The following PDE12 variants were observed in gnomAD, a reference collection of about 807,000 sequenced individuals.
The protein encoded by PDE12 is 2',5'-phosphodiesterase 12.
In PDE12, 26 loss-of-function variants were observed where a neutral mutation model predicts 45.4. The observed-to-expected ratio is 0.57, with a 90% CI of 0.42 to 0.79. PDE12 has a LOEUF of 0.79. Among genes scored for constraint, PDE12 ranks in the 30% least tolerant of loss-of-function variants. PDE12 has a pLI of 0.00. For missense variants in PDE12, 668 were observed against 790.0 expected (o/e 0.85, Z 1.85); for synonymous variants, 283 against 323.9 (o/e 0.87, Z 1.36).
At chr3:57,655,223 C>T in the PDE12 span, among the ~76,000 whole-genome samples, 2 of 152,118 alleles carry the variant, frequency 1.3e-5, no homozygotes, top group East Asian at 1.9e-4. Context: ...TTAGTAGAGA[C>T]GGGGTTTCAC....
the PDE12 span, among the ~76,000 whole-genome samples, chr3:57,640,281 CAAA>C: frequency 8.4e-6 from 1 of 118,932 alleles, no homozygotes; most frequent in African/African-American, 3.4e-5. Flanking sequence ...AAAAAAAAAA[CAAA>C]AAAAAACAAA....
the PDE12 span, chr3:57,645,733 A>C: frequency 6.2e-7 from 1 of 1,613,368 alleles, no homozygotes; most frequent in Non-Finnish European, 8.5e-7. Context: ...GAAATCACTG[A>C]AGTACTTTAA....
chr3:57,559,626 T>G lies in PDE12; in HGVS notation c.1452T>G (p.Asp484Glu). 1 of 1,614,116 alleles carries G rather than the reference T, an allele frequency of 6.2e-7. No individual in the cohort carries two copies. The highest frequency in any genetic ancestry group is 8.5e-7 in the Non-Finnish European group (1 of 1,179,948). The stretch of plus-strand genomic sequence containing the variant: ...CTCACATAAGACATGTTTCATGTGA[T>G]CTGTATCCTGGCATACCAGTTATAT... ...ALAHIRHVSC[D>E]LYPGIPVIFC... is the part of the protein sequence containing the mutation. Residue 484 changes from aspartate to glutamate, a missense_variant, in exon 3 of 3, where the codon GAT (aspartate) becomes GAG (glutamate). Physicochemically the swap from Asp to Glu is conservative, Grantham distance 45 (BLOSUM62 2). Coordinates refer to ENST00000311180, the MANE Select transcript of PDE12 (RefSeq NM_177966.7).
the PDE12 span, chr3:57,646,499 CTACA>C: frequency 2.0e-6 from 3 of 1,524,266 alleles, no homozygotes; most frequent in African/African-American, 2.8e-5. Flanking sequence ...TTTAAAATTC[CTACA>C]TAATCTTTCT....
Position 57,560,209 on chromosome 3 carries a change from G to A in PDE12, c.*205G>A. ...TTCCTTGTTTTCCTCTACAATTGGA[G>A]GAGAAACAAATATATTTCTTACTAG... On this transcript the variant is annotated 3_prime_UTR_variant, in exon 3 of 3. Transcript: ENST00000311180. 1 of 1,274,350 alleles carries A rather than the reference G, an allele frequency of 7.8e-7. No individual in the cohort carries two copies. The highest frequency in any genetic ancestry group is 3.1e-5 in the South Asian group (1 of 32,716). 78.9% of individuals were successfully genotyped at this position (1,274,350 alleles called of 1,614,324 possible).
chr3:57,648,389 T>C, the PDE12 span, among the ~76,000 whole-genome samples: 1 of 152,156 alleles, frequency 6.6e-6, no homozygotes, highest in Non-Finnish European at 1.5e-5. Context: ...TGCTCATGGA[T>C]GGGTAGAGTC....
the PDE12 span, among the ~76,000 whole-genome samples, chr3:57,633,052 G>A: frequency 6.6e-6 from 1 of 152,200 alleles, no homozygotes; most frequent in Non-Finnish European, 1.5e-5. Flanking sequence ...TGAGAAAATT[G>A]AGGGTCAGAG....
chr3:57,584,254 C>T, the PDE12 span: 712 of 956,634 alleles, frequency 7.4e-4, 1 homozygote, highest in Non-Finnish European at 5.6e-4. Context: ...TGAGCCACCA[C>T]ACCCGGCCTG....
At chr3:57,641,896 G>A in the PDE12 span, 4 of 556,486 alleles carry the variant, frequency 7.2e-6, no homozygotes, top group African/African-American at 1.9e-5. Flanking sequence ...TACATGCCAG[G>A]CAACACGTTT....
chr3:57,596,813 T>C, the PDE12 span: 6 of 457,858 alleles, frequency 1.3e-5, no homozygotes, highest in South Asian at 9.4e-5. Context: ...CAGCTTTCAA[T>C]AAGATCAAGG....
chr3:57,574,442 T>C, the PDE12 span, among the ~76,000 whole-genome samples: 1 of 150,256 alleles, frequency 6.7e-6, no homozygotes. Flanking sequence ...ACAGTCTTGC[T>C]CTGTCACCCA....
At chr3:57,605,620 C>G in the PDE12 span, among the ~76,000 whole-genome samples, 1 of 151,932 alleles carries the variant, frequency 6.6e-6, no homozygotes, top group Non-Finnish European at 1.5e-5. Flanking sequence ...GAACAAACCG[C>G]ACAAGGATTT....
downstream of PDE12, among the ~76,000 whole-genome samples, chr3:57,567,673 CTG>C (rs1320540599): frequency 6.6e-6 from 1 of 152,108 alleles, no homozygotes; most frequent in East Asian, 1.9e-4. Flanking sequence ...AACTTACAGA[CTG>C]TTATTATTCA....
At chr3:57,616,953 A>G in the PDE12 span, among the ~76,000 whole-genome samples, 1 of 152,070 alleles carries the variant, frequency 6.6e-6, no homozygotes, top group Non-Finnish European at 1.5e-5. Flanking sequence ...GAACCCGGGA[A>G]GCGGAGGTTG....
the PDE12 span, among the ~76,000 whole-genome samples, chr3:57,632,292 G>A: frequency 2.6e-5 from 4 of 152,000 alleles, no homozygotes; most frequent in Admixed American, 6.5e-5. Context: ...CAAAAGTGCT[G>A]GGATTACAGA....
At chr3:57,584,760 A>G in the PDE12 span, among the ~76,000 whole-genome samples, 2 of 152,096 alleles carry the variant, frequency 1.3e-5, no homozygotes, top group Admixed American at 6.6e-5. Context: ...TGACTTTAGG[A>G]CACTGAGACC....
At chr3:57,609,737 A>G in the PDE12 span, among the ~76,000 whole-genome samples, 1 of 152,302 alleles carries the variant, frequency 6.6e-6, no homozygotes, top group Admixed American at 6.5e-5. Context: ...TTGAGGCAAT[A>G]ATTAATAGCC....
chr3:57,641,466 G>A, the PDE12 span, among the ~76,000 whole-genome samples: 3 of 149,156 alleles, frequency 2.0e-5, no homozygotes, highest in African/African-American at 7.4e-5. Context: ...TTGGTAGGAG[G>A]ACATGACAGA....
At chr3:57,603,309 G>A in the PDE12 span, among the ~76,000 whole-genome samples, 1 of 152,146 alleles carries the variant, frequency 6.6e-6, no homozygotes, top group Non-Finnish European at 1.5e-5. Flanking sequence ...CATCCTTCCT[G>A]ACTGTACAAA....
Sources: allele counts gnomAD v4.1 joint callset (sites outside exome capture counted in the v4.1 genomes callset), GRCh38; gene constraint gnomAD v4.1.1; transcripts MANE v1.5; gene names NCBI Gene and HGNC (gene_info 2026-07-23, HGNC 2026-07-21).